ALPL: variants seen among roughly 807,000 people sequenced by gnomAD.
ALPL encodes alkaline phosphatase, biomineralization associated.
A neutral mutation model predicts 51.3 loss-of-function variants in ALPL; 42 were observed. The ratio of observed to expected loss-of-function variants is 0.82; its 90% CI spans 0.64 to 1.06. The LOEUF is 1.06. ALPL is among the 50% of genes least tolerant of loss of function. ALPL has a pLI of 0.00. For synonymous variants in ALPL, 279 were observed against 296.4 expected (o/e 0.94, Z 0.60); for missense variants, 589 against 709.4 (o/e 0.83, Z 1.93).
Position 21,573,703 on chromosome 1 carries a change from AG to A in ALPL, c.903del (p.Asn302ThrfsTer3), listed in dbSNP as rs768160006. 6.2e-7 allele frequency: 1 copy of A among 1,614,024 alleles called. No individual in the cohort carries two copies. Among genetic ancestry groups the A allele is most frequent in the South Asian group, 1.1e-5 (1 of 91,072 alleles). On this transcript the variant is annotated frameshift_variant, in exon 9 of 12. Transcript: ENST00000374840. LOFTEE classifies it high-confidence loss of function. Reference sequence around the variant, plus strand: ...AGGGGACATGCAGTACGAGCTGAACAGGAACAACGTGACGGACCCGTCACTC... The same window carrying A: ...AGGGGACATGCAGTACGAGCTGAACAGAACAACGTGACGGACCCGTCACTC... ...EPGDMQYELN[R>X]NNVTDPSLSE...
chr1:21,575,693 C>T (rs1472823862), intron 9 of ALPL, 40 bp from the exon 10 acceptor site: 6 of 1,610,300 alleles, frequency 3.7e-6, no homozygotes, highest in Non-Finnish European at 5.1e-6. Flanking sequence ...GATCTTCCTC[C>T]CCTCCTCCCT....
At chr1:21,574,269 C>T in intron 9 of ALPL, 1 of 948,726 alleles carries the variant, frequency 1.1e-6, no homozygotes, top group African/African-American at 1.8e-5. Context: ...TACCTGTGCA[C>T]TTCTGTTATG....
At chr1:21,559,542 C>T (rs10917007) in intron 2 of ALPL, among the ~76,000 whole-genome samples, 49,409 of 151,838 alleles carry the variant, frequency 0.33, 8,437 homozygotes, top group South Asian at 0.45. Flanking sequence ...GTTTTTGAGA[C>T]GGAGTCTAGC....
intron 1 of ALPL, among the ~76,000 whole-genome samples, chr1:21,517,169 C>T (rs1376550379): frequency 2.0e-5 from 3 of 152,148 alleles, no homozygotes; most frequent in Non-Finnish European, 4.4e-5. Context: ...GCTTTTGCAT[C>T]ATCGTAAAGA....
At chr1:21,524,959 CG>C (rs1643923115) in intron 1 of ALPL, among the ~76,000 whole-genome samples, 1 of 152,222 alleles carries the variant, frequency 6.6e-6, no homozygotes, top group Non-Finnish European at 1.5e-5. Flanking sequence ...AACTCAGAAA[CG>C]TAAGTGGGGG....
At chr1:21,529,418 AT>A (rs1643998954) in intron 1 of ALPL, among the ~76,000 whole-genome samples, 1 of 152,112 alleles carries the variant, frequency 6.6e-6, no homozygotes, top group African/African-American at 2.4e-5. Context: ...CACTTGGCTA[AT>A]TAAAAAATAA....
intron 4 of ALPL, among the ~76,000 whole-genome samples, chr1:21,562,474 C>G (rs906985518): frequency 4.6e-5 from 7 of 152,160 alleles, no homozygotes; most frequent in African/African-American, 1.7e-4. Flanking sequence ...GACCCTGGGT[C>G]AGGCCCCAGG....
In ALPL at chr1:21,575,759, G is replaced by T; in HGVS notation, c.1024G>T (p.Glu342Ter). 1.9e-6 allele frequency: 3 copies of T among 1,614,204 alleles called. No homozygotes were observed. Among genetic ancestry groups the T allele is most frequent in the Non-Finnish European group, 2.5e-6 (3 of 1,180,028 alleles). Residue 342 changes from glutamate to a stop codon, truncating the protein, a stop_gained, in exon 10 of 12, where the codon GAA (glutamate) becomes TAA (stop). Transcript: ENST00000374840. LOFTEE classifies it high-confidence loss of function. Reference sequence around the variant, plus strand: ...AGGCAGAATTGACCACGGGCACCATGAAGGAAAAGCCAAGCAGGCCCTGCA... The same window carrying T: ...AGGCAGAATTGACCACGGGCACCATTAAGGAAAAGCCAAGCAGGCCCTGCA... ...EGGRIDHGHHEGKAKQALHEA... is the reference protein window; with the variant it reads ...EGGRIDHGHH
At chr1:21,547,931 C>T (rs955354493) in intron 1 of ALPL, among the ~76,000 whole-genome samples, 1 of 152,206 alleles carries the variant, frequency 6.6e-6, no homozygotes, top group African/African-American at 2.4e-5. Flanking sequence ...AGGATGCTCC[C>T]GGGCCCTCTG....
chr1:21,533,377 T>C (rs1050442922), intron 1 of ALPL, among the ~76,000 whole-genome samples: 2 of 152,252 alleles, frequency 1.3e-5, no homozygotes, highest in African/African-American at 2.4e-5. Context: ...TTCAGTTTGG[T>C]AGATTCTTGA....
intron 9 of ALPL, 149 bp from the exon 10 acceptor site, chr1:21,575,584 G>A (rs563683227): frequency 2.8e-4 from 258 of 932,580 alleles, no homozygotes; most frequent in Non-Finnish European, 4.1e-4. Context: ...AAAATGCCTA[G>A]GCTGTGGTGC....
intron 8 of ALPL, among the ~76,000 whole-genome samples, chr1:21,571,541 G>A (rs149303111): frequency 0.034 from 5,099 of 152,160 alleles, 130 homozygotes; most frequent in Non-Finnish European, 0.049. Context: ...GCGTGGTGGC[G>A]GGCGCCTGTA....
chr1:21,515,233 A>G (rs1042584014), intron 1 of ALPL, among the ~76,000 whole-genome samples: 3 of 152,234 alleles, frequency 2.0e-5, no homozygotes, highest in Non-Finnish European at 4.4e-5. Flanking sequence ...TGGAAAAACC[A>G]GAAGTGTGAC....
At chr1:21,532,171 T>C (rs1345463768) in intron 1 of ALPL, among the ~76,000 whole-genome samples, 1 of 152,108 alleles carries the variant, frequency 6.6e-6, no homozygotes, top group African/African-American at 2.4e-5. Context: ...GGTATTAGAA[T>C]AAAAAGACCA....
chr1:21,514,434 A>G (rs1195504115), intron 1 of ALPL, among the ~76,000 whole-genome samples: 1 of 152,196 alleles, frequency 6.6e-6, no homozygotes, highest in Non-Finnish European at 1.5e-5. Flanking sequence ...CAGACAGGAA[A>G]CACGATCTTG....
rs1339562305 is a variant in ALPL at position 21,578,280 on chromosome 1, C to T, written c.*632C>T. The T allele has an allele frequency of 6.5e-6, 1 of 153,180 alleles. No homozygotes were observed. The highest frequency in any genetic ancestry group is 1.9e-4 in the East Asian group (1 of 5,176). 9.5% of individuals were successfully genotyped at this position (153,180 alleles called of 1,614,324 possible). A position where few individuals can be genotyped will look rare whatever the true frequency, so the allele number is the denominator to read the frequency against. The stretch of plus-strand genomic sequence containing the variant: ...GGCTCACACTCCTGGGCTCTGAACA[C>T]ACACGCCAGCTCCTCTCTGAAGCGA... On this transcript the variant is annotated 3_prime_UTR_variant, in exon 12 of 12. Transcript: ENST00000374840. The surrounding 1 kb of genome is among the most constrained non-coding windows in gnomAD (Gnocchi z 4.2).
In ALPL at chr1:21,510,693, G is replaced by C. The variant is rs373702248; in HGVS notation, c.-105+1176G>C. On this transcript the variant is annotated intron_variant, in intron 1 of 11. Transcript: ENST00000374840. ...CTCCCACTGTGTTGCCTAAGAGATA[G>C]GGGGCTGAGCCTTGGTTTTGTCTTC... Among the ~76,000 whole-genome samples, 282 of 152,288 alleles carry C rather than the reference G, an allele frequency of 1.9e-3. 2 individuals carry two copies. The highest frequency in any genetic ancestry group is 6.7e-3 in the African/African-American group (277 of 41,566).
Position 21,527,694 on chromosome 1 carries a change from C to T in ALPL, c.-105+18177C>T, listed in dbSNP as rs116582671. Among the ~76,000 whole-genome samples, 1,281 of 151,966 alleles carry T rather than the reference C, an allele frequency of 8.4e-3. 20 individuals carry two copies. Among genetic ancestry groups the T allele is most frequent in the African/African-American group, 0.029 (1,193 of 41,428 alleles). On this transcript the variant is annotated intron_variant, in intron 1 of 11. Coordinates refer to ENST00000374840, the MANE Select transcript of ALPL (RefSeq NM_000478.6). ...CTTCCTGAATAGCTGGGATTAGTGG[C>T]ACCTGCCACCACACCTGGCTAATTT...
At chr1:21,544,183 G>C (rs999102086) in intron 1 of ALPL, among the ~76,000 whole-genome samples, 3 of 152,352 alleles carry the variant, frequency 2.0e-5, no homozygotes, top group African/African-American at 7.2e-5. Context: ...TCAGCACCTG[G>C]TGCACCGTAG....
Sources: allele counts gnomAD v4.1 joint callset (sites outside exome capture counted in the v4.1 genomes callset), GRCh38; gene constraint gnomAD v4.1.1; non-coding constraint Gnocchi (gnomAD v3.1); transcripts MANE v1.5; gene names NCBI Gene and HGNC (gene_info 2026-07-23, HGNC 2026-07-21).